Variants in MARK1 observed in about 807,000 individuals in gnomAD.
MARK1 encodes microtubule affinity regulating kinase 1.
In MARK1, 40 loss-of-function variants were observed where a neutral mutation model predicts 96.3. That is an observed-to-expected ratio of 0.42 (90% CI 0.32 to 0.54). The LOEUF is 0.54. Ranked by LOEUF, MARK1 falls within the 20% of genes least tolerant of loss-of-function variation. The pLI, the probability that MARK1 is intolerant of heterozygous loss-of-function variation, is 0.16. For missense variants in MARK1, 719 were observed against 984.6 expected (o/e 0.73, Z 3.61); for synonymous variants, 317 against 341.2 (o/e 0.93, Z 0.78).
chr1:220,570,814 A>G (rs1380094618), intron 1 of MARK1, among the ~76,000 whole-genome samples: 3 of 152,196 alleles, frequency 2.0e-5, no homozygotes, highest in African/African-American at 4.8e-5. Context: ...TACTTGTAAT[A>G]TGAACATTTG....
intron 3 of MARK1, among the ~76,000 whole-genome samples, chr1:220,596,481 T>A (rs950730319): frequency 6.6e-6 from 1 of 152,230 alleles, no homozygotes; most frequent in Non-Finnish European, 1.5e-5. Flanking sequence ...AGGTAATTTT[T>A]AATTATTAAA....
chr1:220,616,736 T>C (rs1384698850), intron 7 of MARK1, among the ~76,000 whole-genome samples: 1 of 152,206 alleles, frequency 6.6e-6, no homozygotes, highest in African/African-American at 2.4e-5. Context: ...TCAGAGCTTA[T>C]GAATTTTCTG....
At chr1:220,651,098 T>A (rs576948876) in intron 14 of MARK1, among the ~76,000 whole-genome samples, 1 of 152,244 alleles carries the variant, frequency 6.6e-6, no homozygotes, top group Non-Finnish European at 1.5e-5. Flanking sequence ...ATAAAGGCTT[T>A]ATTTTTCTCC....
At chr1:220,617,769 T>C (rs1056053591) in intron 7 of MARK1, among the ~76,000 whole-genome samples, 3 of 152,208 alleles carry the variant, frequency 2.0e-5, no homozygotes, top group African/African-American at 4.8e-5. Context: ...CATGTTTTAC[T>C]GAAACAGTAC....
At chr1:220,534,647 A>T (rs1660555266) in intron 1 of MARK1, among the ~76,000 whole-genome samples, 1 of 152,086 alleles carries the variant, frequency 6.6e-6, no homozygotes, top group Non-Finnish European at 1.5e-5. Context: ...GTGTGACTGA[A>T]ACAGTGTACA....
At chr1:220,533,769 G>A (rs1190465110) in intron 1 of MARK1, among the ~76,000 whole-genome samples, 1 of 152,144 alleles carries the variant, frequency 6.6e-6, no homozygotes, top group Non-Finnish European at 1.5e-5. Context: ...TTATGGGAAT[G>A]TACCAACCAT....
At chr1:220,561,426 A>G (rs951473040) in intron 1 of MARK1, among the ~76,000 whole-genome samples, 9 of 152,184 alleles carry the variant, frequency 5.9e-5, no homozygotes, top group African/African-American at 1.9e-4. Context: ...ATGGCCCAAG[A>G]CAGTTCTTCT....
chr1:220,540,233 G>A (rs1204857207), intron 1 of MARK1, among the ~76,000 whole-genome samples: 1 of 152,178 alleles, frequency 6.6e-6, no homozygotes, highest in Non-Finnish European at 1.5e-5. Context: ...TCTGAAAGTG[G>A]GAGAACCAGG....
Position 220,662,185 on chromosome 1 carries a change from G to C in MARK1, c.*19G>C, listed in dbSNP as rs779954226. Reference sequence around the variant, plus strand: ...GCTGTAAAGAAGTCCAAATTTACAGGTTCAGGGAAGATACATACATATATG... The same window carrying C: ...GCTGTAAAGAAGTCCAAATTTACAGCTTCAGGGAAGATACATACATATATG... On this transcript the variant is annotated 3_prime_UTR_variant, in exon 18 of 18. Coordinates refer to ENST00000366917, the MANE Select transcript of MARK1 (RefSeq NM_018650.5). 2 of 1,565,560 alleles carry C rather than the reference G, an allele frequency of 1.3e-6. No individual in the cohort carries two copies. Among genetic ancestry groups the C allele is most frequent in the Non-Finnish European group, 1.7e-6 (2 of 1,146,216 alleles).
At chr1:220,635,771 T>C in intron 12 of MARK1, 62 bp from the exon 13 acceptor site, 2 of 1,348,218 alleles carry the variant, frequency 1.5e-6, no homozygotes, top group Non-Finnish European at 2.0e-6. Context: ...AGTTTTTGTT[T>C]GTGAGCAGAA....
At chr1:220,553,936 C>T (rs577416635) in intron 1 of MARK1, among the ~76,000 whole-genome samples, 2 of 152,308 alleles carry the variant, frequency 1.3e-5, no homozygotes, top group African/African-American at 4.8e-5. Context: ...CTGTTGCAGA[C>T]CTCTGATGTT....
At chr1:220,580,311 C>A (rs140673732) in intron 2 of MARK1, among the ~76,000 whole-genome samples, 1 of 151,800 alleles carries the variant, frequency 6.6e-6, no homozygotes, top group Non-Finnish European at 1.5e-5. Flanking sequence ...TGGCAAAACC[C>A]CAGCTCTACA....
At chr1:220,539,598 G>T (rs1234718419) in intron 1 of MARK1, among the ~76,000 whole-genome samples, 2 of 152,060 alleles carry the variant, frequency 1.3e-5, no homozygotes, top group Admixed American at 1.3e-4. Context: ...ACTGAATTGT[G>T]TCAGTGCTTT....
intron 10 of MARK1, among the ~76,000 whole-genome samples, chr1:220,631,340 G>A (rs1667670689): frequency 6.6e-6 from 1 of 152,104 alleles, no homozygotes; most frequent in Non-Finnish European, 1.5e-5. Context: ...CTAATTCAAT[G>A]TTTGACAACA....
intron 9 of MARK1, among the ~76,000 whole-genome samples, chr1:220,622,426 T>C (rs1003069424): frequency 3.3e-5 from 5 of 152,250 alleles, no homozygotes; most frequent in South Asian, 2.1e-4. Flanking sequence ...TAAAATAATC[T>C]TTACAGTCTT....
At chr1:220,660,111 A>C (rs764864052) in intron 17 of MARK1, among the ~76,000 whole-genome samples, 1 of 152,136 alleles carries the variant, frequency 6.6e-6, no homozygotes, top group Admixed American at 6.6e-5. Flanking sequence ...CATCAGTTCC[A>C]TCTTTAAAAT....
chr1:220,560,096 C>T lies in MARK1; in HGVS notation c.52-19258C>T, dbSNP rs368220384. On this transcript the variant is annotated intron_variant, in intron 1 of 17. Coordinates refer to ENST00000366917, the MANE Select transcript of MARK1 (RefSeq NM_018650.5). ...GGCAGGCAATAGAGAAAGAGCCAAG[C>T]GAAAGGGGAAACCCCTTATAAAGCC... is the stretch of plus-strand genomic sequence containing the variant. Among the ~76,000 whole-genome samples the T allele has an allele frequency of 3.9e-5, 6 of 152,044 alleles. No homozygotes were observed. In the South Asian group the frequency reaches 1.2e-3, roughly 32 times the overall value.
intron 3 of MARK1, among the ~76,000 whole-genome samples, chr1:220,587,608 G>A (rs1451521107): frequency 6.6e-6 from 1 of 152,092 alleles, no homozygotes; most frequent in Non-Finnish European, 1.5e-5. Context: ...GACCTCAGGT[G>A]ATCCACCTGC....
chr1:220,654,544 CA>C lies in MARK1; in HGVS notation c.1988+1194del, dbSNP rs1669063998. 6.6e-6 allele frequency among the ~76,000 whole-genome samples: 1 copy of C among 152,132 alleles called. No individual in the cohort carries two copies. Among genetic ancestry groups the C allele is most frequent in the Non-Finnish European group, 1.5e-5 (1 of 68,030 alleles). On this transcript the variant is annotated intron_variant, in intron 16 of 17. Coordinates refer to ENST00000366917, the MANE Select transcript of MARK1 (RefSeq NM_018650.5). The surrounding 1 kb of genome is among the most constrained non-coding windows in gnomAD (Gnocchi z 4.0). ...AGTCAGTGACTTTGTACCATTGGGG[CA>C]ATTACTATGCAGCATGAAACTTGCT...
Sources: gnomAD v4.1 joint callset for allele counts (sites outside exome capture counted in the v4.1 genomes callset) on GRCh38, gnomAD v4.1.1 for gene constraint, Gnocchi (gnomAD v3.1) non-coding constraint, MANE v1.5 for transcripts, NCBI Gene and HGNC (gene_info 2026-07-23, HGNC 2026-07-21) for gene names.